SEC24A: variants seen among roughly 807,000 people sequenced by gnomAD.
SEC24A encodes the protein SEC24 homolog A, COPII component, also known as protein transport protein Sec24A.
SEC24A carries 93 observed loss-of-function variants against 129.4 expected under a neutral mutation model. That is an observed-to-expected ratio of 0.72 (90% CI 0.61 to 0.85). The LOEUF (loss-of-function observed/expected upper bound fraction) is 0.85, where lower values mean the gene tolerates loss of function less well. SEC24A is among the 40% of genes least tolerant of loss of function. SEC24A has a pLI of 0.00. For missense variants in SEC24A, 1,264 were observed against 1,307.4 expected (o/e 0.97, Z 0.51); for synonymous variants, 460 against 467.3 (o/e 0.98, Z 0.20).
chr5:134,680,396 G>T (rs1410117402), intron 8 of SEC24A, among the ~76,000 whole-genome samples: 1 of 152,118 alleles, frequency 6.6e-6, no homozygotes, highest in Non-Finnish European at 1.5e-5. Flanking sequence ...GCAGTGGCAC[G>T]ATCTTGGCTC....
At chr5:134,668,105 T>C (rs1017066363) in intron 3 of SEC24A, among the ~76,000 whole-genome samples, 2 of 151,942 alleles carry the variant, frequency 1.3e-5, no homozygotes, top group African/African-American at 4.8e-5. Flanking sequence ...TCCCAGCTAC[T>C]TGGGAGGCTG....
chr5:134,664,330 A>C (rs568936799), intron 2 of SEC24A, among the ~76,000 whole-genome samples: 9 of 152,098 alleles, frequency 5.9e-5, no homozygotes, highest in Non-Finnish European at 1.2e-4. Flanking sequence ...TTTTTAGTTC[A>C]TATATTAAAT....
At chr5:134,653,569 T>C (rs985760134) in intron 1 of SEC24A, among the ~76,000 whole-genome samples, 1 of 152,126 alleles carries the variant, frequency 6.6e-6, no homozygotes, top group Non-Finnish European at 1.5e-5. Flanking sequence ...TTATATATTA[T>C]AGTCAAAAGA....
intron 15 of SEC24A, among the ~76,000 whole-genome samples, 196 bp downstream of exon 15, chr5:134,698,253 A>G (rs953004096): frequency 6.6e-6 from 1 of 152,136 alleles, no homozygotes; most frequent in Non-Finnish European, 1.5e-5. Context: ...GCACTGACTT[A>G]TATATTTTTA....
rs760290027 is a variant in SEC24A at position 134,676,144 on chromosome 5, CTTT to C, written c.1254+30_1254+32del. The C allele has an allele frequency of 1.1e-4, 137 of 1,273,234 alleles. No individual in the cohort carries two copies. The highest frequency in any genetic ancestry group is 1.9e-4 in the East Asian group (7 of 37,222). 78.9% of individuals were successfully genotyped at this position (1,273,234 alleles called of 1,614,324 possible). On this transcript the variant is annotated intron_variant, in intron 7 of 22. Transcript: ENST00000398844. ...CTTAGTGGTATGTTTCTTTTCTTTTCTTTTTTTTTTTTTGAGACGGAGTCTCCC... is the reference window on the plus strand; with the variant it reads ...CTTAGTGGTATGTTTCTTTTCTTTTCTTTTTTTTTTGAGACGGAGTCTCCC...
At chr5:134,659,206 G>A (rs1750357831) in intron 1 of SEC24A, among the ~76,000 whole-genome samples, 1 of 151,630 alleles carries the variant, frequency 6.6e-6, no homozygotes, top group South Asian at 2.1e-4. Context: ...CGAGTAGCTG[G>A]GACTACAGGC....
At position 134,675,212 on chromosome 5, in the gene SEC24A, C is replaced by T. The variant is rs911306315; in HGVS notation, c.1146C>T (p.Asn382=). 2.5e-6 allele frequency: 4 copies of T among 1,609,360 alleles called. No homozygotes were observed. In the South Asian group the frequency reaches 4.4e-5, roughly 18 times the overall value. ...LHEDIQKLNC[N]PELFRCTLTS... is the part of the protein sequence containing the mutation. ...AAGACATCCAGAAACTCAACTGTAA[C>T]CCAGAGTAAGGCTTCAGATGTGACA... The change falls in exon 6 of 23, where the codon AAC becomes AAT. Residue 382 remains asparagine, a synonymous_variant. Coordinates refer to ENST00000398844, the MANE Select transcript of SEC24A (RefSeq NM_021982.3).
chr5:134,695,999 G>A (rs1052132394), intron 13 of SEC24A, among the ~76,000 whole-genome samples: 1 of 151,556 alleles, frequency 6.6e-6, no homozygotes, highest in Non-Finnish European at 1.5e-5. Context: ...AGGTGTGGTG[G>A]CTCACACCTG....
chr5:134,661,270 G>A lies in SEC24A; in HGVS notation c.249G>A (p.Gly83=). 1 of 1,614,094 alleles carries A rather than the reference G, an allele frequency of 6.2e-7. No homozygotes were observed. The highest frequency in any genetic ancestry group is 8.5e-7 in the Non-Finnish European group (1 of 1,180,026). Reference sequence around the variant, plus strand: ...ACTATGGTGGTTCTCAGGGATCTGGGCAGACTCTTAATAGACCACCTGTGG... The same window carrying A: ...ACTATGGTGGTTCTCAGGGATCTGGACAGACTCTTAATAGACCACCTGTGG... ...QSNYGGSQGS[G]QTLNRPPVAS... The change falls in exon 2 of 23, where the codon GGG becomes GGA. Residue 83 remains glycine, a synonymous_variant. Transcript: ENST00000398844.
rs397999328 is a variant in SEC24A at position 134,673,071 on chromosome 5, T to TC, written c.817+1186dup. On this transcript the variant is annotated intron_variant, in intron 4 of 22. Transcript: ENST00000398844. ...TTAGGATTTTTTTTTTTTTTTTTTT[T>TC]CTGAGATGGATTCTTGCTGTGTCGC... Among the ~76,000 whole-genome samples, 7 of 149,386 alleles carry TC rather than the reference T, an allele frequency of 4.7e-5. No individual in the cohort carries two copies. The East Asian group carries it at 7.8e-4, about 17-fold the overall frequency.
chr5:134,701,227 A>T (rs1176875503), intron 15 of SEC24A: 1 of 152,286 alleles, frequency 6.6e-6, no homozygotes, highest in East Asian at 1.9e-4. Flanking sequence ...GGGCCATGCT[A>T]ATCTTCTCTG....
Position 134,727,465 on chromosome 5 carries a change from A to G in SEC24A, c.*2371A>G, listed in dbSNP as rs1047085788. 1 of 152,536 alleles carries G rather than the reference A, an allele frequency of 6.6e-6. No homozygotes were observed. The highest frequency in any genetic ancestry group is 1.5e-5 in the Non-Finnish European group (1 of 68,018). The allele number at this position is 152,536 out of a possible 1,614,324, so 9.4% of individuals were successfully genotyped here. A position where few individuals can be genotyped will look rare whatever the true frequency, so the allele number is the denominator to read the frequency against. On this transcript the variant is annotated 3_prime_UTR_variant, in exon 23 of 23. Coordinates refer to ENST00000398844, the MANE Select transcript of SEC24A (RefSeq NM_021982.3). ...AGCAGTACCATTTATTTTAGTTTGC[A>G]TATATTTTCACTGTTTTTAATTTAA...
At position 134,674,749 on chromosome 5, in the gene SEC24A, C is replaced by A; in HGVS notation, c.952C>A (p.Pro318Thr). The A allele has an allele frequency of 1.9e-6, 3 of 1,613,594 alleles. No individual in the cohort carries two copies. The highest frequency in any genetic ancestry group is 2.5e-6 in the Non-Finnish European group (3 of 1,179,768). ...AGTACCACCCTCTTCCTTGAATTACCCAAGTGGGCCACAAGCCTTTACTCA... is the reference window on the plus strand; with the variant it reads ...AGTACCACCCTCTTCCTTGAATTACACAAGTGGGCCACAAGCCTTTACTCA... The part of the protein sequence containing the change: ...TGVPPSSLNY[P>T]SGPQAFTQTP... The change falls in exon 5 of 23, where the codon CCA becomes ACA. Residue 318 changes from proline (P) to threonine (T), a missense_variant. By Grantham distance (38) the Pro-to-Thr change is conservative. Transcript: ENST00000398844.
At chr5:134,652,742 A>G (rs1432745303) in intron 1 of SEC24A, among the ~76,000 whole-genome samples, 4 of 151,458 alleles carry the variant, frequency 2.6e-5, no homozygotes, top group African/African-American at 9.7e-5. Context: ...CACCTGTAGC[A>G]CATGCCACCA....
chr5:134,705,257 A>G, intron 16 of SEC24A, 70 bp from the exon 17 acceptor site: 2 of 1,226,392 alleles, frequency 1.6e-6, no homozygotes, highest in Non-Finnish European at 2.4e-6. Flanking sequence ...TGATTTTTCC[A>G]AGTGACTTTA....
Position 134,675,100 on chromosome 5 carries a change from C to T in SEC24A, c.1034C>T (p.Pro345Leu), listed in dbSNP as rs186366450. The T allele has an allele frequency of 2.5e-6, 4 of 1,612,926 alleles. No homozygotes were observed. In the African/African-American group the frequency reaches 5.3e-5, roughly 21 times the overall value. ...AGCATGAGTGGATTAAGTCTACAAC[C>T]AGAGGGTCTAAGAGTTGTCAATCTT... ...TTSMSGLSLQ[P>L]EGLRVVNLLQ... Residue 345 changes from proline (P) to leucine (L), a missense_variant, in exon 6 of 23, where the codon CCA becomes CTA. By Grantham distance (98) the Pro-to-Leu change is moderately conservative. Transcript: ENST00000398844.
intron 13 of SEC24A, 131 bp downstream of exon 13, chr5:134,694,064 G>T: frequency 1.4e-6 from 1 of 706,172 alleles, no homozygotes; most frequent in South Asian, 2.0e-5. Context: ...TAACTTTTAT[G>T]TAGACATTTT....
Position 134,680,195 on chromosome 5 carries a change from A to G in SEC24A, c.1381+467A>G, listed in dbSNP as rs1369433599. Among the ~76,000 whole-genome samples the G allele has an allele frequency of 5.4e-4, 82 of 152,346 alleles. 1 individual carries two copies. Among genetic ancestry groups the G allele is most frequent in the Non-Finnish European group, 1.2e-4 (8 of 68,032 alleles). On this transcript the variant is annotated intron_variant, in intron 8 of 22. Transcript: ENST00000398844. ...ATTGAGGAGGAGGAGATTTCTCTCA[A>G]TAACTATGTCACAGTTTTTATTTGA...
chr5:134,677,287 G>C (rs1487356539), intron 7 of SEC24A, among the ~76,000 whole-genome samples: 3 of 152,030 alleles, frequency 2.0e-5, no homozygotes, highest in Non-Finnish European at 4.4e-5. Flanking sequence ...TCCAGCCTGG[G>C]TGGCAGAGTG....
Sources: allele counts gnomAD v4.1 joint callset (sites outside exome capture counted in the v4.1 genomes callset), GRCh38; gene constraint gnomAD v4.1.1; transcripts MANE v1.5; gene names NCBI Gene and HGNC (gene_info 2026-07-23, HGNC 2026-07-21).